The following RANBP2 variants were observed in gnomAD, a reference collection of about 807,000 sequenced individuals.
The protein encoded by RANBP2 is RAN binding protein 2, also known as E3 SUMO-protein ligase RanBP2.
In RANBP2, 57 loss-of-function variants were observed where a neutral mutation model predicts 303.6. That is an observed-to-expected ratio of 0.19 (90% CI 0.15 to 0.23). The LOEUF (loss-of-function observed/expected upper bound fraction) is 0.23. Among genes scored for constraint, RANBP2 ranks in the 10% least tolerant of loss-of-function variants. The probability of loss-of-function intolerance (pLI) is 1.00; values close to 1 mark genes in which losing one functional copy is unlikely to be tolerated. For missense variants in RANBP2, 3,138 were observed against 3,780.8 expected, an observed-to-expected ratio of 0.83 and a Z score of 4.46; for synonymous variants, 1,167 against 1,301.5, an observed-to-expected ratio of 0.90 and a Z score of 2.23.
At chr2:109,363,196 A>G in the RANBP2 span, among the ~76,000 whole-genome samples, 3 of 149,140 alleles carry the variant, frequency 2.0e-5, no homozygotes, top group African/African-American at 4.9e-5. Context: ...TTTATTTTCT[A>G]TTTTCTCTCC....
At chr2:108,745,207 T>C (rs2149189466) in intron 7 of RANBP2, among the ~76,000 whole-genome samples, 1 of 148,048 alleles carries the variant, frequency 6.8e-6, no homozygotes, top group African/African-American at 2.5e-5. Flanking sequence ...TCAAAGTATA[T>C]CTGTGCATTT....
At chr2:109,585,234 T>A in the RANBP2 span, 11 of 1,613,112 alleles carry the variant, frequency 6.8e-6, no homozygotes, top group Middle Eastern at 5.0e-4. Context: ...AAGTTTAACA[T>A]TTGGGCAAAA....
At chr2:109,337,889 G>A in the RANBP2 span, among the ~76,000 whole-genome samples, 1 of 151,870 alleles carries the variant, frequency 6.6e-6, no homozygotes, top group Admixed American at 6.6e-5. Context: ...CACCACGCCT[G>A]GCTAATTTTT....
the RANBP2 span, among the ~76,000 whole-genome samples, chr2:109,552,135 T>A: frequency 6.6e-6 from 1 of 152,174 alleles, no homozygotes; most frequent in African/African-American, 2.4e-5. Context: ...GGTTGTGCGC[T>A]CCTTGTGAGA....
At chr2:109,221,581 CA>C in the RANBP2 span, among the ~76,000 whole-genome samples, 11,951 of 63,340 alleles carry the variant, frequency 0.19, 654 homozygotes, top group East Asian at 0.43. Context: ...GACTCCATCT[CA>C]AAAAAAAAAA....
the RANBP2 span, among the ~76,000 whole-genome samples, chr2:109,712,463 GCT>G: frequency 6.6e-6 from 1 of 152,090 alleles, no homozygotes; most frequent in Non-Finnish European, 1.5e-5. Flanking sequence ...ATTGAGTCTT[GCT>G]CTGTCACCCA....
At chr2:109,665,498 C>T in the RANBP2 span, among the ~76,000 whole-genome samples, 1 of 152,048 alleles carries the variant, frequency 6.6e-6, no homozygotes, top group Non-Finnish European at 1.5e-5. Context: ...CATGCCATGA[C>T]GCCCAGCTAA....
intron 18 of RANBP2, 103 bp from the exon 19 acceptor site, chr2:108,761,998 C>A (rs1188234878): frequency 6.7e-7 from 1 of 1,491,796 alleles, no homozygotes; most frequent in African/African-American, 1.4e-5. Flanking sequence ...TTAAATCTTT[C>A]TTTAATTTCT....
downstream of RANBP2, among the ~76,000 whole-genome samples, chr2:108,789,602 A>G (rs1414956277): frequency 6.6e-6 from 1 of 152,160 alleles, no homozygotes; most frequent in Non-Finnish European, 1.5e-5. Flanking sequence ...AAGAAAGAAA[A>G]AACGAACTAC....
the RANBP2 span, among the ~76,000 whole-genome samples, chr2:109,451,989 C>A: frequency 6.6e-6 from 1 of 152,322 alleles, no homozygotes; most frequent in African/African-American, 2.4e-5. Flanking sequence ...AAGCACATTG[C>A]CCTCCCACAC....
chr2:109,204,664 C>T, the RANBP2 span, among the ~76,000 whole-genome samples: 1 of 152,238 alleles, frequency 6.6e-6, no homozygotes, highest in Non-Finnish European at 1.5e-5. Context: ...GACCTGCTGG[C>T]AGGCAGGATG....
At chr2:108,735,047 G>T (rs1695461333) in intron 4 of RANBP2, among the ~76,000 whole-genome samples, 1 of 152,082 alleles carries the variant, frequency 6.6e-6, no homozygotes, top group African/African-American at 2.4e-5. Context: ...AGCCATCATG[G>T]TAGTGGGGGT....
At chr2:108,963,732 A>G in the RANBP2 span, among the ~76,000 whole-genome samples, 18 of 152,244 alleles carry the variant, frequency 1.2e-4, no homozygotes, top group Non-Finnish European at 5.9e-5. Flanking sequence ...GGCAATTCCC[A>G]GGCTATGGGT....
chr2:109,074,036 A>G, the RANBP2 span, among the ~76,000 whole-genome samples: 6 of 150,996 alleles, frequency 4.0e-5, 1 homozygote, highest in African/African-American at 1.2e-4. Context: ...CAAGAGAGAA[A>G]AAGAGGGACA....
At chr2:109,304,652 T>G in the RANBP2 span, among the ~76,000 whole-genome samples, 1 of 152,218 alleles carries the variant, frequency 6.6e-6, no homozygotes, top group Admixed American at 6.5e-5. Flanking sequence ...TGAATTAAAA[T>G]TAGATAAAAT....
chr2:109,721,428 AAAT>A, the RANBP2 span, among the ~76,000 whole-genome samples: 2 of 152,220 alleles, frequency 1.3e-5, 1 homozygote, highest in South Asian at 4.1e-4. Flanking sequence ...CATGCATAAA[AAAT>A]AATGAGATCA....
chr2:109,236,743 T>G, the RANBP2 span, among the ~76,000 whole-genome samples: 1 of 152,216 alleles, frequency 6.6e-6, no homozygotes, highest in African/African-American at 2.4e-5. Flanking sequence ...GACTGTTTCC[T>G]GTTTGCAAAC....
At chr2:109,457,283 T>C in the RANBP2 span, among the ~76,000 whole-genome samples, 7 of 152,358 alleles carry the variant, frequency 4.6e-5, no homozygotes, top group South Asian at 2.1e-4. Flanking sequence ...GTAAAACTTA[T>C]ATCCCCGAGG....
At position 108,719,685 on chromosome 2, in the gene RANBP2, G is replaced by A. The variant is rs1415109312; in HGVS notation, c.72+7G>A. 1 of 1,601,140 alleles carries A rather than the reference G, an allele frequency of 6.2e-7. No individual in the cohort carries two copies. Among genetic ancestry groups the A allele is most frequent in the Non-Finnish European group, 8.5e-7 (1 of 1,175,184 alleles). On this transcript the variant is annotated splice_region_variant and intron_variant, in intron 1 of 28. Coordinates refer to ENST00000283195, the MANE Select transcript of RANBP2 (RefSeq NM_006267.5). ...CACCCCGTCGCCTCGACAGGTGAGT[G>A]GGTCTCGAAGAGACCGACGGCCTCG...
Sources: gnomAD v4.1 joint callset for allele counts (sites outside exome capture counted in the v4.1 genomes callset) on GRCh38, gnomAD v4.1.1 for gene constraint, MANE v1.5 for transcripts, NCBI Gene and HGNC (gene_info 2026-07-23, HGNC 2026-07-21) for gene names.